HEMK2: variants seen among roughly 807,000 people sequenced by gnomAD.
HEMK2 encodes the protein methyltransferase HEMK2.
At chr21:28,821,221 C>T in the HEMK2 span, among the ~76,000 whole-genome samples, 1 of 152,140 alleles carries the variant, frequency 6.6e-6, no homozygotes, top group Non-Finnish European at 1.5e-5. Flanking sequence ...TTCACTGACA[C>T]CTTCCAAAAC....
At chr21:28,577,344 T>C in the HEMK2 span, 1 of 152,194 alleles carries the variant, frequency 6.6e-6, no homozygotes, top group African/African-American at 2.4e-5. Flanking sequence ...CCATTGTTCA[T>C]GTCATTCTTT....
chr21:28,780,807 A>G, the HEMK2 span, among the ~76,000 whole-genome samples: 2 of 152,082 alleles, frequency 1.3e-5, no homozygotes. Context: ...CTGCACTTCT[A>G]TTTTATTTCA....
chr21:28,686,840 G>A, the HEMK2 span, among the ~76,000 whole-genome samples: 3 of 152,142 alleles, frequency 2.0e-5, no homozygotes, highest in Non-Finnish European at 4.4e-5. Flanking sequence ...AGGCCTTCGT[G>A]CATTTTTATA....
At chr21:28,668,242 T>C in the HEMK2 span, among the ~76,000 whole-genome samples, 2 of 152,370 alleles carry the variant, frequency 1.3e-5, no homozygotes, top group South Asian at 2.1e-4. Flanking sequence ...AGTTTTGCTG[T>C]GCTGTTATTG....
chr21:28,819,007 T>C, the HEMK2 span, among the ~76,000 whole-genome samples: 1 of 152,198 alleles, frequency 6.6e-6, no homozygotes, highest in African/African-American at 2.4e-5. Flanking sequence ...TCCTCACATG[T>C]CCTGTCTTTA....
At chr21:28,585,034 G>A in the HEMK2 span, among the ~76,000 whole-genome samples, 9 of 152,178 alleles carry the variant, frequency 5.9e-5, no homozygotes, top group African/African-American at 1.9e-4. Flanking sequence ...AGGACTTAGA[G>A]GTGATTGCCA....
chr21:28,642,921 A>G, the HEMK2 span, among the ~76,000 whole-genome samples: 1 of 152,184 alleles, frequency 6.6e-6, no homozygotes, highest in East Asian at 1.9e-4. Flanking sequence ...CAGGGCAAAA[A>G]GGCAACATTT....
chr21:28,831,314 C>T, the HEMK2 span, among the ~76,000 whole-genome samples: 58 of 150,972 alleles, frequency 3.8e-4, no homozygotes, highest in African/African-American at 1.1e-3. Context: ...GGCGTGGTAG[C>T]GGGCGCCTGT....
At chr21:28,685,548 T>G in the HEMK2 span, among the ~76,000 whole-genome samples, 1 of 152,136 alleles carries the variant, frequency 6.6e-6, no homozygotes. Context: ...ACAAAGCCCA[T>G]CGTTGCAAAC....
the HEMK2 span, among the ~76,000 whole-genome samples, chr21:28,666,110 T>C: frequency 1.5e-4 from 23 of 152,324 alleles, no homozygotes; most frequent in African/African-American, 5.5e-4. Flanking sequence ...ATTTCTAACA[T>C]TGCAAATGGT....
At chr21:28,884,141 C>A in the HEMK2 span, among the ~76,000 whole-genome samples, 3 of 152,134 alleles carry the variant, frequency 2.0e-5, no homozygotes, top group African/African-American at 7.2e-5. Context: ...ATTAGAATTC[C>A]AAACTAGAAA....
chr21:28,592,233 A>G, the HEMK2 span, among the ~76,000 whole-genome samples: 2 of 152,178 alleles, frequency 1.3e-5, no homozygotes, highest in African/African-American at 4.8e-5. Context: ...ACTTTTTAGT[A>G]ATAGCTATTC....
chr21:28,610,825 G>A, the HEMK2 span, among the ~76,000 whole-genome samples: 3 of 152,032 alleles, frequency 2.0e-5, no homozygotes, highest in East Asian at 1.9e-4. Context: ...AATGATAAAC[G>A]GACTAGTCCA....
chr21:28,752,789 A>G, the HEMK2 span, among the ~76,000 whole-genome samples: 1 of 148,958 alleles, frequency 6.7e-6, no homozygotes, highest in African/African-American at 2.6e-5. Context: ...GAAAAGCAGA[A>G]GCACTACAAA....
the HEMK2 span, among the ~76,000 whole-genome samples, chr21:28,610,761 C>T: frequency 1.3e-5 from 2 of 151,868 alleles, no homozygotes; most frequent in Non-Finnish European, 2.9e-5. Context: ...TTGTATCAGG[C>T]GAAACAAACT....
chr21:28,596,105 C>G, the HEMK2 span, among the ~76,000 whole-genome samples: 2 of 151,970 alleles, frequency 1.3e-5, no homozygotes, highest in African/African-American at 4.8e-5. Context: ...TGCAGTGGTG[C>G]GATCTCAGCT....
chr21:28,680,765 G>A, the HEMK2 span, among the ~76,000 whole-genome samples: 5 of 152,086 alleles, frequency 3.3e-5, no homozygotes, highest in Admixed American at 2.6e-4. Flanking sequence ...ATCAATAAAC[G>A]TAATCCAGCA....
chr21:28,752,160 A>C, the HEMK2 span, among the ~76,000 whole-genome samples: 1 of 152,214 alleles, frequency 6.6e-6, no homozygotes, highest in Non-Finnish European at 1.5e-5. Flanking sequence ...CATTTTCTCA[A>C]TTCCTGTTTG....
At chr21:28,828,726 A>G in the HEMK2 span, among the ~76,000 whole-genome samples, 5 of 152,242 alleles carry the variant, frequency 3.3e-5, no homozygotes, top group Admixed American at 3.3e-4. Context: ...TCACCTTCCA[A>G]AAGTTTCCAG....
Sources: gnomAD v4.1 joint callset for allele counts (sites outside exome capture counted in the v4.1 genomes callset) on GRCh38, gnomAD v4.1.1 for gene constraint, MANE v1.5 for transcripts, NCBI Gene and HGNC (gene_info 2026-07-23, HGNC 2026-07-21) for gene names.